PRKCG: variants seen among roughly 807,000 people sequenced by gnomAD.
The protein encoded by PRKCG is protein kinase C gamma.
In PRKCG, 28 loss-of-function variants were observed where a neutral mutation model predicts 82.0. That is an observed-to-expected ratio of 0.34 (90% CI 0.25 to 0.47). The LOEUF (loss-of-function observed/expected upper bound fraction) is 0.47. PRKCG is among the 20% of genes least tolerant of loss of function. The probability of loss-of-function intolerance (pLI) is 1.00; values close to 1 mark genes in which losing one functional copy is unlikely to be tolerated. For synonymous variants in PRKCG, 383 were observed against 376.6 expected (o/e 1.02, Z -0.20); for missense variants, 640 against 952.7 (o/e 0.67, Z 4.32).
At chr19:53,904,612 C>G in intron 15 of PRKCG, 23 bp from the exon 16 acceptor site, 1 of 1,602,448 alleles carries the variant, frequency 6.2e-7, no homozygotes, top group South Asian at 1.1e-5. Context: ...GTCCCTGACT[C>G]TCTATCCCCT....
At chr19:53,881,243 C>G (rs1007111032), upstream of PRKCG, among the ~76,000 whole-genome samples, 1 of 151,426 alleles carries the variant, frequency 6.6e-6, no homozygotes, top group African/African-American at 2.4e-5. Flanking sequence ...GTTGCAGAAC[C>G]GGAGGAAGGG....
chr19:53,892,782 G>GCACACA lies in PRKCG; in HGVS notation c.821+143_821+148dup. On this transcript the variant is annotated intron_variant, in intron 7 of 17. Transcript: ENST00000263431. This position sits in a 1 kb window ranked among gnomAD's most constrained non-coding sequence, Gnocchi z 5.9. ...CACACACACACACACACACACACAC[G>GCACACA]CACACACACGCACACACCCCTCTCT... The GCACACA allele has an allele frequency of 2.5e-6, 2 of 785,746 alleles. No individual in the cohort carries two copies. The highest frequency in any genetic ancestry group is 2.9e-5 in the Admixed American group (1 of 33,908). 48.7% of individuals were successfully genotyped at this position (785,746 alleles called of 1,614,324 possible).
chr19:53,897,395 G>T (rs981240214), intron 9 of PRKCG, among the ~76,000 whole-genome samples: 1 of 152,164 alleles, frequency 6.6e-6, no homozygotes, highest in Non-Finnish European at 1.5e-5. Context: ...CTAGCTGAAA[G>T]CCAGGTGTGC....
At chr19:53,905,926 C>G (rs2068799575) in intron 16 of PRKCG, among the ~76,000 whole-genome samples, 1 of 144,666 alleles carries the variant, frequency 6.9e-6, no homozygotes, top group African/African-American at 2.6e-5. Flanking sequence ...CTCTCTCTCT[C>G]TCTCTCTCAC....
intron 11 of PRKCG, 88 bp downstream of exon 11, chr19:53,898,716 G>A: frequency 8.0e-7 from 1 of 1,247,416 alleles, no homozygotes; most frequent in Non-Finnish European, 1.1e-6. Flanking sequence ...TTTAGGGCGA[G>A]GCAAGAGAAC....
At chr19:53,906,038 CCT>C (rs2068802594) in intron 16 of PRKCG, among the ~76,000 whole-genome samples, 1 of 77,984 alleles carries the variant, frequency 1.3e-5, no homozygotes, top group East Asian at 3.6e-4. Context: ...TCCTCCTCCT[CCT>C]CCCTCCTCCT....
intron 3 of PRKCG, among the ~76,000 whole-genome samples, chr19:53,886,370 C>T (rs1289743544): frequency 6.6e-6 from 1 of 151,884 alleles, no homozygotes; most frequent in Non-Finnish European, 1.5e-5. Flanking sequence ...TCCCAAAGTG[C>T]TGGGATTACA....
chr19:53,897,314 A>G (rs1476336345), intron 9 of PRKCG, among the ~76,000 whole-genome samples: 1 of 152,190 alleles, frequency 6.6e-6, no homozygotes, highest in African/African-American at 2.4e-5. Flanking sequence ...CAAGTGTGGA[A>G]GCTGTGACAG....
intron 14 of PRKCG, among the ~76,000 whole-genome samples, chr19:53,901,498 C>T (rs553714970): frequency 1.4e-5 from 2 of 142,732 alleles, no homozygotes; most frequent in South Asian, 2.3e-4. Context: ...GAGCTGAGAT[C>T]ACACCACTGC....
At chr19:53,899,464 A>G (rs1050023092) in intron 11 of PRKCG, among the ~76,000 whole-genome samples, 2 of 152,176 alleles carry the variant, frequency 1.3e-5, no homozygotes, top group African/African-American at 4.8e-5. Flanking sequence ...TTTCCTTAGG[A>G]TTGCGACTTA....
In PRKCG at chr19:53,890,021, AGGCCCCGCCCCCTCGCCT is replaced by A. The variant is rs762986495; in HGVS notation, c.529+19_529+36del. ...GCAGATGAGATCCACGTAACTGGTG[AGGCCCCGCCCCCTCGCCT>A]GGCCCCGCCCCCTCCCCAAGTGTGA... On this transcript the variant is annotated splice_donor_5th_base_variant and intron_variant, in intron 5 of 17. Coordinates refer to ENST00000263431, the MANE Select transcript of PRKCG (RefSeq NM_002739.5). The A allele has an allele frequency of 7.1e-6, 11 of 1,556,780 alleles. No homozygotes were observed. Among genetic ancestry groups the A allele is most frequent in the East Asian group, 2.4e-5 (1 of 41,564 alleles).
intron 5 of PRKCG, among the ~76,000 whole-genome samples, 191 bp downstream of exon 5, chr19:53,890,208 C>T (rs886365964): frequency 1.3e-5 from 2 of 152,244 alleles, no homozygotes; most frequent in South Asian, 2.1e-4. Context: ...CTCGAAGCCC[C>T]GCCTCCAACC....
chr19:53,906,216 C>T, intron 16 of PRKCG, 101 bp from the exon 17 acceptor site: 1 of 1,475,964 alleles, frequency 6.8e-7, no homozygotes, highest in South Asian at 1.2e-5. Context: ...GCCTGTGTCT[C>T]TTGGTTCCTC....
At position 53,900,355 on chromosome 19, in the gene PRKCG, G is replaced by A. The variant is rs978890122; in HGVS notation, c.1373+31G>A. The A allele has an allele frequency of 2.5e-6, 4 of 1,613,868 alleles. No individual in the cohort carries two copies. The highest frequency in any genetic ancestry group is 3.4e-6 in the Non-Finnish European group (4 of 1,179,898). ...TCTCGGCCAACAGAGAATGGTCGGG[G>A]TGGTGGAAGGGGGCAGGATCCAGCC... On this transcript the variant is annotated intron_variant, in intron 12 of 17. Coordinates refer to ENST00000263431, the MANE Select transcript of PRKCG (RefSeq NM_002739.5). This position sits in a 1 kb window ranked among gnomAD's most constrained non-coding sequence, Gnocchi z 4.2.
intron 14 of PRKCG, among the ~76,000 whole-genome samples, chr19:53,901,888 G>A (rs2068767266): frequency 6.6e-6 from 1 of 151,762 alleles, no homozygotes; most frequent in Non-Finnish European, 1.5e-5. Flanking sequence ...AGGGCAGGGT[G>A]AGATCCCTAA....
chr19:53,898,152 T>C, intron 10 of PRKCG, 41 bp downstream of exon 10: 1 of 1,608,098 alleles, frequency 6.2e-7, no homozygotes, highest in Non-Finnish European at 8.5e-7. Flanking sequence ...AGGATGTCTG[T>C]GGGAAGGTCA....
chr19:53,888,651 G>A (rs1446960850), intron 3 of PRKCG, among the ~76,000 whole-genome samples: 3 of 152,090 alleles, frequency 2.0e-5, no homozygotes, highest in Non-Finnish European at 2.9e-5. Context: ...TAACGTGGTA[G>A]GCACAGCTAT....
In PRKCG at chr19:53,884,367, G is replaced by A. The variant is rs2068616825; in HGVS notation, c.285+124G>A. The A allele has an allele frequency of 3.0e-5, 29 of 951,676 alleles. No homozygotes were observed. The East Asian group carries it at 7.0e-4, about 23-fold the overall frequency. 59.0% of individuals were successfully genotyped at this position (951,676 alleles called of 1,614,324 possible). A position where few individuals can be genotyped will look rare whatever the true frequency, so the allele number is the denominator to read the frequency against. On this transcript the variant is annotated intron_variant, in intron 3 of 17. Transcript: ENST00000263431. This position sits in a 1 kb window ranked among gnomAD's most constrained non-coding sequence, Gnocchi z 4.6. ...AGGGGAGGGGGGCTGGAGAGATAGGGGGAGCTATCTGGCCCAGATTCCTTG... is the reference window on the plus strand; with the variant it reads ...AGGGGAGGGGGGCTGGAGAGATAGGAGGAGCTATCTGGCCCAGATTCCTTG...
In PRKCG at chr19:53,883,348, G is replaced by T. The variant is rs1201948504; in HGVS notation, c.202+154G>T. 6.6e-6 allele frequency among the ~76,000 whole-genome samples: 1 copy of T among 151,944 alleles called. No individual in the cohort carries two copies. Among genetic ancestry groups the T allele is most frequent in the Non-Finnish European group, 1.5e-5 (1 of 67,950 alleles). On this transcript the variant is annotated intron_variant, in intron 2 of 17. Coordinates refer to ENST00000263431, the MANE Select transcript of PRKCG (RefSeq NM_002739.5). The surrounding 1 kb of genome is among the most constrained non-coding windows in gnomAD (Gnocchi z 5.4). ...GTGGCAGAGACACAGCCTGTGGTGGGGAGGGAGCTTTGATGGTGGGGCCAC... is the reference window on the plus strand; with the variant it reads ...GTGGCAGAGACACAGCCTGTGGTGGTGAGGGAGCTTTGATGGTGGGGCCAC...
Sources: allele counts gnomAD v4.1 joint callset (sites outside exome capture counted in the v4.1 genomes callset), GRCh38; gene constraint gnomAD v4.1.1; non-coding constraint Gnocchi (gnomAD v3.1); transcripts MANE v1.5; gene names NCBI Gene and HGNC (gene_info 2026-07-23, HGNC 2026-07-21).